Variants in CSMD1 observed in about 807,000 individuals in gnomAD.
CSMD1 encodes the protein CUB and sushi domain-containing protein 1.
In CSMD1, 213 loss-of-function variants were observed where a neutral mutation model predicts 417.5. That is an observed-to-expected ratio of 0.51 (90% CI 0.46 to 0.57). The LOEUF is 0.57. CSMD1 is among the 20% of genes least tolerant of loss of function. CSMD1 has a pLI of 0.00. For missense variants in CSMD1, 6,923 were observed against 4,529.7 expected, an observed-to-expected ratio of 1.53 and a Z score of -15.17; for synonymous variants, 2,862 against 1,736.8, an observed-to-expected ratio of 1.65 and a Z score of -16.11.
intron 6 of CSMD1, among the ~76,000 whole-genome samples, chr8:3,712,688 T>C (rs1159006680): frequency 6.6e-6 from 1 of 152,238 alleles, no homozygotes; most frequent in Non-Finnish European, 1.5e-5. Context: ...TCCAGTTATC[T>C]AGTTTTCATA....
At chr8:4,679,796 T>A (rs1197539238) in intron 1 of CSMD1, among the ~76,000 whole-genome samples, 1 of 152,126 alleles carries the variant, frequency 6.6e-6, no homozygotes. Flanking sequence ...ATAAATATTA[T>A]AAAATGCATA....
At chr8:4,535,471 T>C (rs1452510280) in intron 2 of CSMD1, among the ~76,000 whole-genome samples, 1 of 152,176 alleles carries the variant, frequency 6.6e-6, no homozygotes, top group African/African-American at 2.4e-5. Flanking sequence ...CTTAAAGATT[T>C]TGATGAAGTA....
intron 10 of CSMD1, among the ~76,000 whole-genome samples, chr8:3,509,646 A>G (rs185508620): frequency 2.0e-5 from 3 of 152,348 alleles, no homozygotes; most frequent in Admixed American, 2.0e-4. Context: ...AAGCTATAAG[A>G]TATCATCAAC....
chr8:3,317,101 G>C (rs1436138564), intron 23 of CSMD1, among the ~76,000 whole-genome samples: 1 of 152,058 alleles, frequency 6.6e-6, no homozygotes, highest in African/African-American at 2.4e-5. Context: ...GATGAAGAGA[G>C]GACACCAGAG....
chr8:4,388,908 T>C (rs1387608350), intron 3 of CSMD1, among the ~76,000 whole-genome samples: 1 of 152,182 alleles, frequency 6.6e-6, no homozygotes, highest in Non-Finnish European at 1.5e-5. Flanking sequence ...CATCCAGCTA[T>C]TTGTTCAAAG....
chr8:4,414,201 T>A (rs1325929196), intron 3 of CSMD1, among the ~76,000 whole-genome samples: 1 of 152,130 alleles, frequency 6.6e-6, no homozygotes, highest in South Asian at 2.1e-4. Context: ...TAAATCCAGA[T>A]CCACAGGTGT....
intron 3 of CSMD1, among the ~76,000 whole-genome samples, chr8:4,242,896 G>A (rs893968147): frequency 6.6e-5 from 10 of 152,164 alleles, no homozygotes; most frequent in Non-Finnish European, 8.8e-5. Context: ...TCATTAAAAT[G>A]TATGTTCTAA....
At chr8:3,303,931 TTTGGGGTA>T (rs2117359041) in intron 25 of CSMD1, among the ~76,000 whole-genome samples, 1 of 74,560 alleles carries the variant, frequency 1.3e-5, no homozygotes, top group African/African-American at 4.1e-5. Context: ...TAATAACTAT[TTTGGGGTA>T]TTGCGCCCCA....
intron 7 of CSMD1, among the ~76,000 whole-genome samples, chr8:3,680,350 G>T (rs541280104): frequency 6.6e-6 from 1 of 152,090 alleles, no homozygotes; most frequent in Non-Finnish European, 1.5e-5. Context: ...AATGACAAAG[G>T]GTATATCACC....
At chr8:4,151,071 G>C (rs1009563420) in intron 3 of CSMD1, among the ~76,000 whole-genome samples, 17 of 152,140 alleles carry the variant, frequency 1.1e-4, no homozygotes, top group African/African-American at 3.1e-4. Context: ...CTAAGTTTAC[G>C]GGTGGTGCCA....
chr8:3,307,741 G>A lies in CSMD1; in HGVS notation c.3904C>T (p.Leu1302Phe), dbSNP rs1228867253. The A allele has an allele frequency of 6.2e-7, 1 of 1,613,746 alleles. No individual in the cohort carries two copies. The highest frequency in any genetic ancestry group is 1.7e-5 in the Admixed American group (1 of 60,014). The change falls in exon 25 of 70, where the codon CTC becomes TTC. Residue 1302 changes from leucine (L) to phenylalanine (F), a missense_variant. Leu to Phe is a conservative substitution (Grantham distance 22). Transcript: ENST00000635120. ...GCCTCTATAATCCAGGTGCAGTGGAGGTTGTTGTCATACGGAGCTGGATAG... is the reference window on the plus strand; with the variant it reads ...GCCTCTATAATCCAGGTGCAGTGGAAGTTGTTGTCATACGGAGCTGGATAG... ...PGYPAPYDNN[L>F]HCTWIIEADP...
intron 5 of CSMD1, among the ~76,000 whole-genome samples, chr8:3,847,700 A>G (rs1479789795): frequency 6.6e-6 from 1 of 152,092 alleles, no homozygotes; most frequent in African/African-American, 2.4e-5. Context: ...GGAAAAACTA[A>G]TACAGAATGC....
chr8:3,643,780 C>T (rs899105064), intron 7 of CSMD1, among the ~76,000 whole-genome samples: 1 of 151,342 alleles, frequency 6.6e-6, no homozygotes, highest in South Asian at 2.1e-4. Flanking sequence ...TCATTGTTCA[C>T]CCACCAGTAA....
chr8:4,934,623 T>C (rs1309066361), intron 1 of CSMD1, among the ~76,000 whole-genome samples: 1 of 147,466 alleles, frequency 6.8e-6, no homozygotes, highest in East Asian at 1.9e-4. Flanking sequence ...TTTTCACTTA[T>C]CTACCTATCT....
intron 3 of CSMD1, among the ~76,000 whole-genome samples, chr8:4,413,081 A>G (rs1796736335): frequency 6.6e-6 from 1 of 152,204 alleles, no homozygotes; most frequent in Admixed American, 6.5e-5. Flanking sequence ...TCACAGCTTC[A>G]TGGAAAGAGA....
intron 5 of CSMD1, among the ~76,000 whole-genome samples, chr8:3,756,113 T>A (rs1476942272): frequency 6.6e-6 from 1 of 151,950 alleles, no homozygotes; most frequent in Non-Finnish European, 1.5e-5. Context: ...TCCCAGCATT[T>A]TGGGAGGCCG....
At chr8:4,637,127 C>A (rs1802866152) in intron 2 of CSMD1, among the ~76,000 whole-genome samples, 1 of 152,150 alleles carries the variant, frequency 6.6e-6, no homozygotes, top group South Asian at 2.1e-4. Flanking sequence ...AGCAATAAAC[C>A]TTGCTACCAC....
chr8:4,198,605 G>A (rs554294349), intron 3 of CSMD1, among the ~76,000 whole-genome samples: 2 of 152,116 alleles, frequency 1.3e-5, no homozygotes, highest in South Asian at 4.2e-4. Context: ...TTAACGTAAT[G>A]AGTCTTTAAG....
chr8:3,885,195 A>G (rs1585139181), intron 5 of CSMD1, among the ~76,000 whole-genome samples: 3 of 152,210 alleles, frequency 2.0e-5, no homozygotes, highest in African/African-American at 7.2e-5. Flanking sequence ...TTCACAGATC[A>G]GAAAAGTGGA....
Sources: gnomAD v4.1 joint callset for allele counts (sites outside exome capture counted in the v4.1 genomes callset) on GRCh38, gnomAD v4.1.1 for gene constraint, MANE v1.5 for transcripts, NCBI Gene and HGNC (gene_info 2026-07-23, HGNC 2026-07-21) for gene names.